CPA6: variants seen among roughly 807,000 people sequenced by gnomAD.
CPA6 encodes carboxypeptidase B.
In CPA6, 58 loss-of-function variants were observed where a neutral mutation model predicts 63.3. The observed-to-expected ratio is 0.92, with a 90% CI of 0.74 to 1.14. CPA6 has a LOEUF of 1.14. Among genes scored for constraint, CPA6 ranks in the 50% most tolerant of loss-of-function variants. The pLI is 0.00. For synonymous variants in CPA6, 185 were observed against 179.0 expected (o/e 1.03, Z -0.27); for missense variants, 565 against 526.6 (o/e 1.07, Z -0.71).
chr8:67,585,220 C>T (rs1222820698), intron 2 of CPA6, among the ~76,000 whole-genome samples: 1 of 152,112 alleles, frequency 6.6e-6, no homozygotes, highest in East Asian at 1.9e-4. Flanking sequence ...GAGATAATGA[C>T]TTCTTGGTCT....
rs556292386 is a variant in CPA6, at chr8:67,488,466, C to T, written c.637-3677G>A. ...TTGTGGTTACTGTAGCCTTGTAGTACAGTTTGAAGTCAGGTAGCCTGATGC... is the reference window on the plus strand; with the variant it reads ...TTGTGGTTACTGTAGCCTTGTAGTATAGTTTGAAGTCAGGTAGCCTGATGC... On this transcript the variant is annotated intron_variant, in intron 6 of 10. Coordinates refer to ENST00000297770, the MANE Select transcript of CPA6 (RefSeq NM_020361.5). Among the ~76,000 whole-genome samples the T allele has an allele frequency of 6.6e-5, 10 of 152,146 alleles. No individual in the cohort carries two copies. The East Asian group carries it at 7.7e-4, about 12-fold the overall frequency.
At chr8:67,601,028 C>T (rs1391203533) in intron 2 of CPA6, among the ~76,000 whole-genome samples, 1 of 152,132 alleles carries the variant, frequency 6.6e-6, no homozygotes, top group Non-Finnish European at 1.5e-5. Flanking sequence ...TTGAGCATTT[C>T]CTGTAATTGC....
At chr8:67,663,707 C>T (rs2128993253) in intron 1 of CPA6, among the ~76,000 whole-genome samples, 1 of 152,280 alleles carries the variant, frequency 6.6e-6, no homozygotes, top group South Asian at 2.1e-4. Flanking sequence ...TGATCTCATT[C>T]CTTTTTTACG....
At chr8:67,608,448 G>A (rs1814723187) in intron 2 of CPA6, among the ~76,000 whole-genome samples, 1 of 152,102 alleles carries the variant, frequency 6.6e-6, no homozygotes, top group African/African-American at 2.4e-5. Context: ...AACTCCAGGG[G>A]AAGATCATCT....
rs575067688 is a variant in CPA6 at position 67,658,638 on chromosome 8, G to A, written c.117-34387C>T. Among the ~76,000 whole-genome samples, 38 of 152,226 alleles carry A rather than the reference G, an allele frequency of 2.5e-4. No individual in the cohort carries two copies. The South Asian group carries it at 4.1e-3, about 17-fold the overall frequency. ...TTCCTGCTCACATATTCAACTGTAC[G>A]TCTAACTGCTCATCTCTTCCTGATG... is the stretch of plus-strand genomic sequence containing the variant. On this transcript the variant is annotated intron_variant, in intron 1 of 10. Transcript: ENST00000297770.
At chr8:67,633,429 C>G (rs578254421) in intron 1 of CPA6, among the ~76,000 whole-genome samples, 165 of 152,282 alleles carry the variant, frequency 1.1e-3, no homozygotes, top group African/African-American at 3.9e-3. Context: ...CGCCTGTAAT[C>G]CCAGCACTTT....
At chr8:67,567,744 G>T (rs1587573085) in intron 2 of CPA6, among the ~76,000 whole-genome samples, 1 of 152,320 alleles carries the variant, frequency 6.6e-6, no homozygotes, top group Middle Eastern at 3.4e-3. Context: ...CCTTCCGTAA[G>T]TTGGCACAGT....
chr8:67,712,622 G>C (rs1030415406), intron 1 of CPA6, among the ~76,000 whole-genome samples: 2 of 152,062 alleles, frequency 1.3e-5, no homozygotes, highest in African/African-American at 4.8e-5. Flanking sequence ...CCACATGTGG[G>C]GACAGAGATT....
chr8:67,728,074 T>G, intron 1 of CPA6, among the ~76,000 whole-genome samples: 1 of 122,724 alleles, frequency 8.1e-6, no homozygotes, highest in African/African-American at 3.8e-5. Context: ...TGAGACTCTG[T>G]CTCAAAAAAA....
At chr8:67,721,601 T>A (rs576802414) in intron 1 of CPA6, among the ~76,000 whole-genome samples, 1 of 152,318 alleles carries the variant, frequency 6.6e-6, no homozygotes, top group South Asian at 2.1e-4. Flanking sequence ...GAAGGTCAGG[T>A]GCAGATGAAC....
intron 1 of CPA6, among the ~76,000 whole-genome samples, chr8:67,674,882 G>A (rs771741544): frequency 2.0e-5 from 3 of 152,108 alleles, no homozygotes; most frequent in Non-Finnish European, 4.4e-5. Context: ...CAACATGGAT[G>A]GAGCTGGAGG....
chr8:67,668,455 C>G (rs1434823236), intron 1 of CPA6, among the ~76,000 whole-genome samples: 1 of 152,224 alleles, frequency 6.6e-6, no homozygotes, highest in Non-Finnish European at 1.5e-5. Flanking sequence ...AGTTAAGCAA[C>G]TTTTCCAAGT....
intron 1 of CPA6, among the ~76,000 whole-genome samples, chr8:67,700,764 C>T (rs565581690): frequency 6.6e-6 from 1 of 152,196 alleles, no homozygotes; most frequent in South Asian, 2.1e-4. Flanking sequence ...AGGGGAGTTG[C>T]ATTTTATATA....
At chr8:67,659,983 C>A (rs569442113) in intron 1 of CPA6, among the ~76,000 whole-genome samples, 1 of 152,062 alleles carries the variant, frequency 6.6e-6, no homozygotes, top group African/African-American at 2.4e-5. Context: ...TTCCCTCTAC[C>A]GTGGAAAAGT....
chr8:67,620,221 A>G lies in CPA6; in HGVS notation c.192+3955T>C, dbSNP rs143243951. Among the ~76,000 whole-genome samples, 1,396 of 152,162 alleles carry G rather than the reference A, an allele frequency of 9.2e-3. 29 individuals carry two copies. Among genetic ancestry groups the G allele is most frequent in the African/African-American group, 0.03 (1,245 of 41,502 alleles). On this transcript the variant is annotated intron_variant, in intron 2 of 10. Transcript: ENST00000297770. ...TGAGACCAGCAGAAGCACTTCTCCGACCTCTTCTGTGAACAGCTAGAGGAA... is the reference window on the plus strand; with the variant it reads ...TGAGACCAGCAGAAGCACTTCTCCGGCCTCTTCTGTGAACAGCTAGAGGAA...
chr8:67,448,167 A>T (rs1810472455), intron 8 of CPA6, among the ~76,000 whole-genome samples: 1 of 152,100 alleles, frequency 6.6e-6, no homozygotes, highest in African/African-American at 2.4e-5. Context: ...TTCTTAGCTC[A>T]TTTTGTTTTC....
chr8:67,545,944 G>A lies in CPA6; in HGVS notation c.193-27897C>T, dbSNP rs541675718. Among the ~76,000 whole-genome samples, 54 of 152,144 alleles carry A rather than the reference G, an allele frequency of 3.5e-4. No homozygotes were observed. In the South Asian group the frequency reaches 9.1e-3, roughly 26 times the overall value. On this transcript the variant is annotated intron_variant, in intron 2 of 10. Transcript: ENST00000297770. The stretch of plus-strand genomic sequence containing the variant: ...GTAGAAGATAAAGTCCAAACTCCTG[G>A]ACAGCACATCTGAGCTCTCTGGTCA...
intron 2 of CPA6, among the ~76,000 whole-genome samples, chr8:67,549,804 A>G (rs976277809): frequency 6.6e-6 from 1 of 152,224 alleles, no homozygotes; most frequent in African/African-American, 2.4e-5. Flanking sequence ...GGTGTCATAA[A>G]CGGCAGGATT....
At chr8:67,597,269 G>C (rs1386299276) in intron 2 of CPA6, among the ~76,000 whole-genome samples, 4 of 146,994 alleles carry the variant, frequency 2.7e-5, no homozygotes, top group African/African-American at 1.0e-4. Context: ...CGTGATCTCA[G>C]CTCCCTGCAA....
Sources: gnomAD v4.1 joint callset for allele counts (sites outside exome capture counted in the v4.1 genomes callset) on GRCh38, gnomAD v4.1.1 for gene constraint, MANE v1.5 for transcripts, NCBI Gene and HGNC (gene_info 2026-07-23, HGNC 2026-07-21) for gene names.